The following MRPS5 variants were observed in gnomAD, a reference collection of about 807,000 sequenced individuals.
MRPS5 encodes small ribosomal subunit protein uS5m.
Under a neutral mutation model 51.9 loss-of-function variants are expected in MRPS5, and 27 were observed. The ratio of observed to expected loss-of-function variants is 0.52; its 90% confidence interval spans 0.38 to 0.72. MRPS5 has a LOEUF of 0.72. Ranked by LOEUF, MRPS5 falls within the 30% of genes least tolerant of loss-of-function variation. The pLI is 0.00. For synonymous variants in MRPS5, 196 were observed against 193.2 expected, an observed-to-expected ratio of 1.01 and a Z score of -0.12; for missense variants, 570 against 545.7, an observed-to-expected ratio of 1.04 and a Z score of -0.44.
intron 11 of MRPS5, among the ~76,000 whole-genome samples, chr2:95,090,126 G>A (rs1460162647): frequency 1.4e-5 from 2 of 148,116 alleles, no homozygotes; most frequent in African/African-American, 5.0e-5. Flanking sequence ...GCAGTGAGCC[G>A]GGATCCCGCC....
chr2:95,100,431 T>A (rs1039970011), intron 10 of MRPS5, 43 bp downstream of exon 10: 13 of 1,425,122 alleles, frequency 9.1e-6, no homozygotes, highest in Non-Finnish European at 1.3e-5. Context: ...TGTTATAATT[T>A]CTCTGCTTTA....
At chr2:95,095,373 A>C (rs1244973718) in intron 10 of MRPS5, among the ~76,000 whole-genome samples, 1 of 152,068 alleles carries the variant, frequency 6.6e-6, no homozygotes, top group Non-Finnish European at 1.5e-5. Flanking sequence ...CATCTACAGA[A>C]CTCTCCACTC....
chr2:95,088,607 A>C (rs758997286), intron 11 of MRPS5, among the ~76,000 whole-genome samples: 6 of 152,354 alleles, frequency 3.9e-5, no homozygotes, highest in Admixed American at 3.3e-4. Flanking sequence ...ATATTGGTGT[A>C]TCTTTCAATC....
At position 95,087,583 on chromosome 2, in the gene MRPS5, T is replaced by C. The variant is rs1675334824; in HGVS notation, c.1069-2A>G. On this transcript the variant is annotated splice_acceptor_variant, in intron 11 of 11. Transcript: ENST00000272418. LOFTEE classifies it high-confidence loss of function. ...ATCAGCCAGCTGTTGATGGGTTTCC[T>C]AAGCAAGACCAAATTCAGAACAGGT... is the stretch of plus-strand genomic sequence containing the variant. The C allele has an allele frequency of 6.2e-7, 1 of 1,610,948 alleles. No individual in the cohort carries two copies. The highest frequency in any genetic ancestry group is 1.3e-5 in the African/African-American group (1 of 74,734).
chr2:95,087,213 CTATAATTATT>C lies in MRPS5; in HGVS notation c.*134_*143del, dbSNP rs1675316702. On this transcript the variant is annotated 3_prime_UTR_variant, in exon 12 of 12. Coordinates refer to ENST00000272418, the MANE Select transcript of MRPS5 (RefSeq NM_031902.5). ...ATAACATGTGCTCAACAAATGAAAG[CTATAATTATT>C]TATTTCCAAAGAGTTTAAAGATTAA... 2 of 611,118 alleles carry C rather than the reference CTATAATTATT, an allele frequency of 3.3e-6. No homozygotes were observed. Among genetic ancestry groups the C allele is most frequent in the South Asian group, 4.4e-5 (2 of 45,876 alleles). 37.9% of individuals were successfully genotyped at this position (611,118 alleles called of 1,614,324 possible).
intron 2 of MRPS5, among the ~76,000 whole-genome samples, chr2:95,116,327 C>G (rs1676284849): frequency 6.6e-6 from 1 of 151,748 alleles, no homozygotes; most frequent in Admixed American, 6.6e-5. Context: ...CTGTTTAGCA[C>G]TGCAATCTCT....
At chr2:95,115,352 TA>T in intron 2 of MRPS5, 149 bp from the exon 3 acceptor site, 1 of 827,580 alleles carries the variant, frequency 1.2e-6, no homozygotes, top group Non-Finnish European at 1.7e-6. Flanking sequence ...CTTTTAAAAA[TA>T]AAACTTTTGA....
chr2:95,100,381 T>C, intron 10 of MRPS5, 93 bp downstream of exon 10: 1 of 910,428 alleles, frequency 1.1e-6, no homozygotes, highest in East Asian at 2.5e-5. Context: ...CCAAGATGAG[T>C]TCAACTAAAG....
At chr2:95,117,649 A>C (rs976143034) in intron 2 of MRPS5, among the ~76,000 whole-genome samples, 1 of 151,584 alleles carries the variant, frequency 6.6e-6, no homozygotes, top group African/African-American at 2.4e-5. Context: ...GAACTATAAC[A>C]ATTGCAATCA....
intron 2 of MRPS5, among the ~76,000 whole-genome samples, chr2:95,115,806 A>T (rs1676270175): frequency 6.6e-6 from 1 of 152,206 alleles, no homozygotes. Flanking sequence ...AGTAGACAGG[A>T]AATACGGGCT....
At chr2:95,090,324 C>T in intron 11 of MRPS5, 62 bp downstream of exon 11, 10 of 1,587,290 alleles carry the variant, frequency 6.3e-6, no homozygotes, top group Non-Finnish European at 8.6e-6. Flanking sequence ...GCATCGTAGC[C>T]CCAACACACA....
intron 2 of MRPS5, 79 bp from the exon 3 acceptor site, chr2:95,115,282 C>T (rs1053288351): frequency 7.8e-7 from 1 of 1,282,012 alleles, no homozygotes; most frequent in Non-Finnish European, 1.0e-6. Flanking sequence ...ATAATCATTA[C>T]TAACAAAAAT....
chr2:95,090,588 G>T, intron 10 of MRPS5, 66 bp from the exon 11 acceptor site: 1 of 1,594,932 alleles, frequency 6.3e-7, no homozygotes, highest in Non-Finnish European at 8.6e-7. Flanking sequence ...CACCCTGCTG[G>T]CTTTCGCATG....
chr2:95,121,607 G>A (rs1413707966), intron 1 of MRPS5, 127 bp downstream of exon 1: 21 of 1,044,690 alleles, frequency 2.0e-5, no homozygotes, highest in Admixed American at 1.5e-4. Flanking sequence ...CGGAAGGTGG[G>A]GGCACGGCGT....
At chr2:95,091,199 C>G (rs888215427) in intron 10 of MRPS5, 5 of 152,972 alleles carry the variant, frequency 3.3e-5, no homozygotes, top group African/African-American at 1.2e-4. Context: ...GTCCTGCCCG[C>G]CCACCTCCCT....
At chr2:95,088,665 A>T (rs1675369414) in intron 11 of MRPS5, among the ~76,000 whole-genome samples, 1 of 152,258 alleles carries the variant, frequency 6.6e-6, no homozygotes, top group African/African-American at 2.4e-5. Flanking sequence ...TTTGAGTGAC[A>T]TATTAAATAA....
intron 10 of MRPS5, chr2:95,092,782 G>T (rs1038744517): frequency 6.6e-6 from 1 of 152,214 alleles, no homozygotes; most frequent in African/African-American, 2.4e-5. Flanking sequence ...GCTCCAGTCT[G>T]CAGCTCCCAG....
chr2:95,115,778 T>A (rs1168527185), intron 2 of MRPS5, among the ~76,000 whole-genome samples: 1 of 152,198 alleles, frequency 6.6e-6, no homozygotes, highest in African/African-American at 2.4e-5. Flanking sequence ...GCTCACTTAA[T>A]GAATTAGTCA....
At chr2:95,119,861 G>C (rs531514119) in intron 1 of MRPS5, among the ~76,000 whole-genome samples, 1 of 152,300 alleles carries the variant, frequency 6.6e-6, no homozygotes, top group South Asian at 2.1e-4. Flanking sequence ...CCAGGAGTTA[G>C]AGACCAGCCT....
Sources: gnomAD v4.1 joint callset for allele counts (sites outside exome capture counted in the v4.1 genomes callset) on GRCh38, gnomAD v4.1.1 for gene constraint, MANE v1.5 for transcripts, NCBI Gene and HGNC (gene_info 2026-07-23, HGNC 2026-07-21) for gene names.